The following NFIX variants were observed in gnomAD, a reference collection of about 807,000 sequenced individuals.
NFIX encodes nuclear factor 1 X-type.
A neutral mutation model predicts 53.3 loss-of-function variants in NFIX; 2 were observed. The ratio of observed to expected loss-of-function variants is 0.04; its 90% CI spans 0.02 to 0.12. NFIX has a LOEUF of 0.12. Ranked by LOEUF, NFIX falls within the 10% of genes least tolerant of loss-of-function variation. NFIX has a pLI of 1.00. For synonymous variants in NFIX, 244 were observed against 289.0 expected, an observed-to-expected ratio of 0.84 and a Z score of 1.58; for missense variants, 310 against 674.5, an observed-to-expected ratio of 0.46 and a Z score of 5.99.
Position 13,078,796 on chromosome 19 carries a change from G to T in NFIX, c.1078+61G>T. On this transcript the variant is annotated intron_variant, in intron 7 of 10. Coordinates refer to ENST00000592199, the MANE Select transcript of NFIX (RefSeq NM_001365902.3). This position sits in a 1 kb window ranked among gnomAD's most constrained non-coding sequence, Gnocchi z 4.7. ...GGAGGTGGCTGAGTATCTAGGGGCA[G>T]CTGGCCAGGTGAAGGGGCCAGAGCT... 1 of 1,540,228 alleles carries T rather than the reference G, an allele frequency of 6.5e-7. No homozygotes were observed. Among genetic ancestry groups the T allele is most frequent in the Non-Finnish European group, 8.8e-7 (1 of 1,138,886 alleles).
Position 13,028,005 on chromosome 19 carries a change from G to A in NFIX, c.559+2453G>A, listed in dbSNP as rs2013503373. On this transcript the variant is annotated intron_variant, in intron 2 of 10. Transcript: ENST00000592199. The surrounding 1 kb of genome is among the most constrained non-coding windows in gnomAD (Gnocchi z 4.2). The stretch of plus-strand genomic sequence containing the variant: ...GTTGAGGCGAGTTGGCGCAGCCCGG[G>A]CCACCAGTGGGCTGCATCACTTGTT... Among the ~76,000 whole-genome samples the A allele has an allele frequency of 6.6e-6, 1 of 152,264 alleles. No individual in the cohort carries two copies. The highest frequency in any genetic ancestry group is 1.5e-5 in the Non-Finnish European group (1 of 68,054).
rs1488737068 is a variant in NFIX at position 13,073,284 on chromosome 19, CGGTGTAGACCTGAG to C, written c.623-135_623-122del. On this transcript the variant is annotated intron_variant, in intron 3 of 10. Transcript: ENST00000592199. This position sits in a 1 kb window ranked among gnomAD's most constrained non-coding sequence, Gnocchi z 4.5. ...GCACACCTAGAGGATCCCCCCTGTT[CGGTGTAGACCTGAG>C]GGCTAGCCTGGAGCTGGAAACGGGA... 1.1e-6 allele frequency: 1 copy of C among 922,318 alleles called. No homozygotes were observed. The highest frequency in any genetic ancestry group is 2.4e-5 in the East Asian group (1 of 41,210). 57.1% of individuals were successfully genotyped at this position (922,318 alleles called of 1,614,324 possible). A position where few individuals can be genotyped will look rare whatever the true frequency, so the allele number is the denominator to read the frequency against.
At position 13,071,573 on chromosome 19, in the gene NFIX, T is replaced by A. The variant is rs138135571; in HGVS notation, c.560-1474T>A. On this transcript the variant is annotated intron_variant, in intron 2 of 10. Coordinates refer to ENST00000592199, the MANE Select transcript of NFIX (RefSeq NM_001365902.3). ...AGAGGTGGTGAAGTATATCCTTCCA[T>A]ATTAAAAGCACTTGTTAGCACTTTC... Among the ~76,000 whole-genome samples the A allele has an allele frequency of 2.1e-3, 315 of 152,338 alleles. 2 individuals carry two copies. The highest frequency in any genetic ancestry group is 3.8e-3 in the Non-Finnish European group (257 of 68,028).
Position 13,068,254 on chromosome 19 carries a change from G to A in NFIX, c.560-4793G>A, listed in dbSNP as rs917502408. Among the ~76,000 whole-genome samples, 1 of 152,142 alleles carries A rather than the reference G, an allele frequency of 6.6e-6. No individual in the cohort carries two copies. Among genetic ancestry groups the A allele is most frequent in the East Asian group, 1.9e-4 (1 of 5,202 alleles). On this transcript the variant is annotated intron_variant, in intron 2 of 10. Transcript: ENST00000592199. The surrounding 1 kb of genome is among the most constrained non-coding windows in gnomAD (Gnocchi z 4.2). ...CTCTTGGAAACACGCACAAGCACACGTGCCTGCAAACAGCAGAAGGAAGAG... is the reference window on the plus strand; with the variant it reads ...CTCTTGGAAACACGCACAAGCACACATGCCTGCAAACAGCAGAAGGAAGAG...
chr19:13,074,116 G>C lies in NFIX; in HGVS notation c.818+90G>C, dbSNP rs2016931520. On this transcript the variant is annotated intron_variant, in intron 5 of 10. Coordinates refer to ENST00000592199, the MANE Select transcript of NFIX (RefSeq NM_001365902.3). The stretch of plus-strand genomic sequence containing the variant: ...TGGCTATAGTCAGCTGTGTCACTGA[G>C]GCTAGGGTGCTTCAGAATGTCACCT... 4.6e-6 allele frequency: 7 copies of C among 1,523,616 alleles called. No individual in the cohort carries two copies. The South Asian group carries it at 8.3e-5, about 18-fold the overall frequency. 94.4% of individuals were successfully genotyped at this position (1,523,616 alleles called of 1,614,324 possible).
At chr19:13,015,552 C>T (rs2012611552) in intron 1 of NFIX, among the ~76,000 whole-genome samples, 1 of 152,194 alleles carries the variant, frequency 6.6e-6, no homozygotes, top group African/African-American at 2.4e-5. Context: ...CCTTTGGGAA[C>T]CCCTGGCTCT....
At chr19:13,023,942 C>T in intron 1 of NFIX, 1 of 452,658 alleles carries the variant, frequency 2.2e-6, no homozygotes, top group South Asian at 1.7e-5. Context: ...CCTCCTCCTC[C>T]CCCCTCCCCC....
chr19:13,079,070 C>T (rs2017297955), intron 7 of NFIX, among the ~76,000 whole-genome samples: 1 of 152,242 alleles, frequency 6.6e-6, no homozygotes, highest in African/African-American at 2.4e-5. Flanking sequence ...CAGCTGTGAG[C>T]GGGAAGGCAC....
rs1352986546 is a variant in NFIX, at chr19:13,078,763, G to T, written c.1078+28G>T. On this transcript the variant is annotated intron_variant, in intron 7 of 10. Transcript: ENST00000592199. This position sits in a 1 kb window ranked among gnomAD's most constrained non-coding sequence, Gnocchi z 4.7. ...GAGAAATGGGGGGCCCCGGAGGGGG[G>T]CAGTTGGGGAGGTGGCTGAGTATCT... is the stretch of plus-strand genomic sequence containing the variant. The T allele has an allele frequency of 5.7e-6, 9 of 1,578,052 alleles. No individual in the cohort carries two copies. Among genetic ancestry groups the T allele is most frequent in the Non-Finnish European group, 7.7e-6 (9 of 1,165,858 alleles).
Position 13,074,099 on chromosome 19 carries a change from G to C in NFIX, c.818+73G>C, listed in dbSNP as rs2016930712. The C allele has an allele frequency of 2.5e-6, 4 of 1,579,498 alleles. No homozygotes were observed. In the East Asian group the frequency reaches 6.7e-5, roughly 27 times the overall value. On this transcript the variant is annotated intron_variant, in intron 5 of 10. Transcript: ENST00000592199. ...GGCCAGGGCCGTCCCAGTGGCTATA[G>C]TCAGCTGTGTCACTGAGGCTAGGGT...
chr19:13,083,399 G>C (rs946451838), intron 8 of NFIX, among the ~76,000 whole-genome samples: 1 of 152,186 alleles, frequency 6.6e-6, no homozygotes, highest in Non-Finnish European at 1.5e-5. Context: ...GCCAAGGTTA[G>C]GCCAAGGAGC....
chr19:13,011,126 C>T lies in NFIX; in HGVS notation c.28-13895C>T, dbSNP rs1370844855. Among the ~76,000 whole-genome samples, 2 of 152,084 alleles carry T rather than the reference C, an allele frequency of 1.3e-5. No individual in the cohort carries two copies. Among genetic ancestry groups the T allele is most frequent in the Non-Finnish European group, 2.9e-5 (2 of 67,998 alleles). ...CGCCAGGCAGGGATGTAGGGGGAGG[C>T]GGGAGCAGCCCTCCCCCTCTCCACT... On this transcript the variant is annotated intron_variant, in intron 1 of 10. Coordinates refer to ENST00000592199, the MANE Select transcript of NFIX (RefSeq NM_001365902.3). This position sits in a 1 kb window ranked among gnomAD's most constrained non-coding sequence, Gnocchi z 6.5.
rs116452924 is a variant in NFIX, at chr19:13,058,365, C to T, written c.560-14682C>T. ...CATGACTTTAAAAGCTCAGGATGTG[C>T]GCTGGGCGCAGGAGCTCACATCCGT... On this transcript the variant is annotated intron_variant, in intron 2 of 10. Coordinates refer to ENST00000592199, the MANE Select transcript of NFIX (RefSeq NM_001365902.3). Among the ~76,000 whole-genome samples the T allele has an allele frequency of 8.7e-3, 1,330 of 152,136 alleles. 23 individuals carry two copies. Among genetic ancestry groups the T allele is most frequent in the African/African-American group, 0.031 (1,273 of 41,522 alleles).
At position 13,009,161 on chromosome 19, in the gene NFIX, TCA is replaced by T. The variant is rs767528965; in HGVS notation, c.27+13303_27+13304del. ...CACGCACAGTCTCACACACAACCTG[TCA>T]CACACGCACACACACACACAGCGGC... On this transcript the variant is annotated intron_variant, in intron 1 of 10. Coordinates refer to ENST00000592199, the MANE Select transcript of NFIX (RefSeq NM_001365902.3). This position sits in a 1 kb window ranked among gnomAD's most constrained non-coding sequence, Gnocchi z 4.7. Among the ~76,000 whole-genome samples the T allele has an allele frequency of 5.3e-5, 8 of 152,010 alleles. No homozygotes were observed. Among genetic ancestry groups the T allele is most frequent in the African/African-American group, 9.7e-5 (4 of 41,398 alleles).
In NFIX at chr19:13,078,848, C is replaced by G. The variant is rs546148389; in HGVS notation, c.1078+113C>G. On this transcript the variant is annotated intron_variant, in intron 7 of 10. Coordinates refer to ENST00000592199, the MANE Select transcript of NFIX (RefSeq NM_001365902.3). This position sits in a 1 kb window ranked among gnomAD's most constrained non-coding sequence, Gnocchi z 4.7. ...ACCCCGAGTGACAGCCCCACGCTCT[C>G]CAAGTGGGCCAAGGTGCAGCAGCGG... The G allele has an allele frequency of 2.1e-5, 26 of 1,247,966 alleles. 1 individual carries two copies. In the South Asian group the frequency reaches 3.6e-4, roughly 17 times the overall value. The allele number at this position is 1,247,966 out of a possible 1,614,324, so 77.3% of individuals were successfully genotyped here.
chr19:13,057,064 G>A (rs932145301), intron 2 of NFIX, among the ~76,000 whole-genome samples: 11 of 152,250 alleles, frequency 7.2e-5, no homozygotes, highest in African/African-American at 2.4e-4. Context: ...GGAACAGAAT[G>A]AGAATGGATC....
In NFIX at chr19:13,013,016, C is replaced by A. The variant is rs1275482697; in HGVS notation, c.28-12005C>A. On this transcript the variant is annotated intron_variant, in intron 1 of 10. Transcript: ENST00000592199. This position sits in a 1 kb window ranked among gnomAD's most constrained non-coding sequence, Gnocchi z 5.9. ...GACTAAGTGGCAGAAAATGCGCTTTCCCTTTCTCTCTCTTCTGCCTTCGGG... is the reference window on the plus strand; with the variant it reads ...GACTAAGTGGCAGAAAATGCGCTTTACCTTTCTCTCTCTTCTGCCTTCGGG... Among the ~76,000 whole-genome samples, 1 of 151,974 alleles carries A rather than the reference C, an allele frequency of 6.6e-6. No individual in the cohort carries two copies. The highest frequency in any genetic ancestry group is 1.9e-4 in the East Asian group (1 of 5,180).
chr19:13,010,566 A>G (rs1213592865), intron 1 of NFIX, among the ~76,000 whole-genome samples: 1 of 152,184 alleles, frequency 6.6e-6, no homozygotes, highest in Non-Finnish European at 1.5e-5. Flanking sequence ...ACATGCCCCT[A>G]TCGGGCACCA....
At chr19:13,071,819 G>A (rs1035135035) in intron 2 of NFIX, among the ~76,000 whole-genome samples, 103 of 152,114 alleles carry the variant, frequency 6.8e-4, no homozygotes, top group African/African-American at 2.4e-3. Context: ...GGTGCCACCC[G>A]GGTGGGCTGC....
Sources: gnomAD v4.1 joint callset for allele counts (sites outside exome capture counted in the v4.1 genomes callset) on GRCh38, gnomAD v4.1.1 for gene constraint, Gnocchi (gnomAD v3.1) non-coding constraint, MANE v1.5 for transcripts, NCBI Gene and HGNC (gene_info 2026-07-23, HGNC 2026-07-21) for gene names.